The following UBE2M variants were observed in gnomAD, a reference collection of about 807,000 sequenced individuals.
UBE2M encodes the protein ubiquitin conjugating enzyme E2 M.
In UBE2M, 2 loss-of-function variants were observed where a neutral mutation model predicts 23.5. That is an observed-to-expected ratio of 0.09 (90% CI 0.03 to 0.27). The LOEUF (loss-of-function observed/expected upper bound fraction) is 0.27. Among genes scored for constraint, UBE2M ranks in the 10% least tolerant of loss-of-function variants. The pLI, the probability that UBE2M is intolerant of heterozygous loss-of-function variation, is 1.00. For synonymous variants in UBE2M, 97 were observed against 95.2 expected, an observed-to-expected ratio of 1.02 and a Z score of -0.11; for missense variants, 103 against 232.9, an observed-to-expected ratio of 0.44 and a Z score of 3.63.
chr19:58,557,965 A>G (rs2053903459), intron 1 of UBE2M, among the ~76,000 whole-genome samples: 1 of 151,846 alleles, frequency 6.6e-6, no homozygotes, highest in East Asian at 1.9e-4. Context: ...GTTCCCGTCT[A>G]ACCCCCAGAC....
At position 58,555,820 on chromosome 19, in the gene UBE2M, G is replaced by C. The variant is rs955754613; in HGVS notation, c.*269C>G. ...TTGCCCACCCACTCCACAGCCCAGA[G>C]TGGGGGCTGAACAAGCACCCAGCAG... On this transcript the variant is annotated 3_prime_UTR_variant, in exon 6 of 6. Transcript: ENST00000253023. 4.9e-5 allele frequency: 25 copies of C among 515,230 alleles called. No homozygotes were observed. The highest frequency in any genetic ancestry group is 8.1e-5 in the Non-Finnish European group (23 of 284,608). The allele number at this position is 515,230 out of a possible 1,614,324, so 31.9% of individuals were successfully genotyped here. A position where few individuals can be genotyped will look rare whatever the true frequency, so the allele number is the denominator to read the frequency against.
At position 58,555,847 on chromosome 19, in the gene UBE2M, G is replaced by C; in HGVS notation, c.*242C>G. The C allele has an allele frequency of 1.8e-6, 1 of 566,332 alleles. No individual in the cohort carries two copies. 35.1% of individuals were successfully genotyped at this position (566,332 alleles called of 1,614,324 possible). ...GGGGGCTGAACAAGCACCCAGCAGG[G>C]GGGCTAGACAAGCCAATTCATTTCC... is the stretch of plus-strand genomic sequence containing the variant. On this transcript the variant is annotated 3_prime_UTR_variant, in exon 6 of 6. Coordinates refer to ENST00000253023, the MANE Select transcript of UBE2M (RefSeq NM_003969.4).
chr19:58,556,913 C>G lies in UBE2M; in HGVS notation c.222G>C (p.Gly74=), dbSNP rs746315345. Residue 74 remains glycine (G), a synonymous_variant, in exon 3 of 6, where the codon GGG becomes GGC. Coordinates refer to ENST00000253023, the MANE Select transcript of UBE2M (RefSeq NM_003969.4). This position sits in a 1 kb window ranked among gnomAD's most constrained non-coding sequence, Gnocchi z 4.9. ...TCACCTTAAAACTGAACACAAACTT[C>G]CCACTCTTGTAGAAGCCCTGGGAGG... The part of the protein sequence containing the change: ...ICPDEGFYKS[G]KFVFSFKVGQ... 2 of 1,614,080 alleles carry G rather than the reference C, an allele frequency of 1.2e-6. No individual in the cohort carries two copies. Among genetic ancestry groups the G allele is most frequent in the South Asian group, 1.1e-5 (1 of 91,084 alleles).
In UBE2M at chr19:58,558,166, A is replaced by C. The variant is rs184207233; in HGVS notation, c.109+107T>G. 4.9e-6 allele frequency: 4 copies of C among 821,746 alleles called. No homozygotes were observed. The highest frequency in any genetic ancestry group is 5.2e-6 in the Non-Finnish European group (3 of 571,498). 50.9% of individuals were successfully genotyped at this position (821,746 alleles called of 1,614,324 possible). A position where few individuals can be genotyped will look rare whatever the true frequency, so the allele number is the denominator to read the frequency against. ...ACCCCCCCCACGCTCGGGGCCCTTCACCTCTGACCCTCAGCAACCGCATTA... is the reference window on the plus strand; with the variant it reads ...ACCCCCCCCACGCTCGGGGCCCTTCCCCTCTGACCCTCAGCAACCGCATTA... On this transcript the variant is annotated intron_variant, in intron 1 of 5. Coordinates refer to ENST00000253023, the MANE Select transcript of UBE2M (RefSeq NM_003969.4). This position sits in a 1 kb window ranked among gnomAD's most constrained non-coding sequence, Gnocchi z 4.7.
Position 58,558,026 on chromosome 19 carries a change from T to A in UBE2M, c.109+247A>T, listed in dbSNP as rs1387366251. On this transcript the variant is annotated intron_variant, in intron 1 of 5. Transcript: ENST00000253023. This position sits in a 1 kb window ranked among gnomAD's most constrained non-coding sequence, Gnocchi z 4.7. ...CACTGCCTGACTCTGAGATTCCGAG[T>A]CCCTAGTAGCAGACACCAGGCCTTC... 2.6e-5 allele frequency among the ~76,000 whole-genome samples: 4 copies of A among 151,592 alleles called. No homozygotes were observed. Among genetic ancestry groups the A allele is most frequent in the Non-Finnish European group, 5.9e-5 (4 of 67,928 alleles).
chr19:58,557,035 C>T (rs1286703825), intron 2 of UBE2M, 28 bp downstream of exon 2: 2 of 1,613,864 alleles, frequency 1.2e-6, no homozygotes, highest in African/African-American at 2.7e-5. Flanking sequence ...TGGTTTGCTC[C>T]TGGGAATTCA....
Position 58,558,552 on chromosome 19 carries a change from C to G in UBE2M, c.-171G>C, listed in dbSNP as rs1266235502. ...GCCGCTCCGCTCCTCTCCGCGCCCA[C>G]CGCGCGGCCCGCCTCGGCTCCCGTA... On this transcript the variant is annotated 5_prime_UTR_variant, in exon 1 of 6. Transcript: ENST00000253023. This position sits in a 1 kb window ranked among gnomAD's most constrained non-coding sequence, Gnocchi z 4.7. 1.1e-5 allele frequency: 2 copies of G among 179,194 alleles called. No individual in the cohort carries two copies. The highest frequency in any genetic ancestry group is 6.6e-5 in the Admixed American group (1 of 15,228). 11.1% of individuals were successfully genotyped at this position (179,194 alleles called of 1,614,324 possible).
chr19:58,556,974 GTGGGGCCCGA>G lies in UBE2M; in HGVS notation c.205-54_205-45del. ...GAAGAAAATTTTAGGGTTCCATCCTGTGGGGCCCGATGGGCAGAACATGTCTCCCTCCTCT... is the reference window on the plus strand; with the variant it reads ...GAAGAAAATTTTAGGGTTCCATCCTGTGGGCAGAACATGTCTCCCTCCTCT... On this transcript the variant is annotated intron_variant, in intron 2 of 5. Coordinates refer to ENST00000253023, the MANE Select transcript of UBE2M (RefSeq NM_003969.4). The surrounding 1 kb of genome is among the most constrained non-coding windows in gnomAD (Gnocchi z 4.9). The G allele has an allele frequency of 6.2e-7, 1 of 1,613,962 alleles. No individual in the cohort carries two copies. Among genetic ancestry groups the G allele is most frequent in the Non-Finnish European group, 8.5e-7 (1 of 1,179,880 alleles).
In UBE2M at chr19:58,558,197, T is replaced by A; in HGVS notation, c.109+76A>T. On this transcript the variant is annotated intron_variant, in intron 1 of 5. Transcript: ENST00000253023. This position sits in a 1 kb window ranked among gnomAD's most constrained non-coding sequence, Gnocchi z 4.7. ...GACCCTCAGCAACCGCATTACCCCT[T>A]CCTGACTCCCACATCACCCTGCCTC... 7.8e-7 allele frequency: 1 copy of A among 1,290,058 alleles called. No individual in the cohort carries two copies. Among genetic ancestry groups the A allele is most frequent in the African/African-American group, 1.6e-5 (1 of 64,180 alleles). The allele number at this position is 1,290,058 out of a possible 1,614,324, so 79.9% of individuals were successfully genotyped here.
At position 58,558,141 on chromosome 19, in the gene UBE2M, A is replaced by ACC; in HGVS notation, c.109+130_109+131dup. On this transcript the variant is annotated intron_variant, in intron 1 of 5. Coordinates refer to ENST00000253023, the MANE Select transcript of UBE2M (RefSeq NM_003969.4). The surrounding 1 kb of genome is among the most constrained non-coding windows in gnomAD (Gnocchi z 4.7). Reference sequence around the variant, plus strand: ...CCCAACCCTCAAGACTTGACCTCCGACCCCCCCCACGCTCGGGGCCCTTCA... The same window carrying ACC: ...CCCAACCCTCAAGACTTGACCTCCGACCCCCCCCCCACGCTCGGGGCCCTTCA... 1.9e-6 allele frequency: 1 copy of ACC among 525,516 alleles called. No individual in the cohort carries two copies. 32.6% of individuals were successfully genotyped at this position (525,516 alleles called of 1,614,324 possible).
chr19:58,558,440 C>T lies in UBE2M; in HGVS notation c.-59G>A, dbSNP rs1416263889. ...GGGCCCGGGACCCCGGCCACCCGGCCCCCCGCCGCCGCCCGCGTCGCCTCC... is the reference window on the plus strand; with the variant it reads ...GGGCCCGGGACCCCGGCCACCCGGCTCCCCGCCGCCGCCCGCGTCGCCTCC... On this transcript the variant is annotated 5_prime_UTR_variant, in exon 1 of 6. Coordinates refer to ENST00000253023, the MANE Select transcript of UBE2M (RefSeq NM_003969.4). The surrounding 1 kb of genome is among the most constrained non-coding windows in gnomAD (Gnocchi z 4.7). 1.7e-5 allele frequency: 16 copies of T among 926,990 alleles called. No individual in the cohort carries two copies. Among genetic ancestry groups the T allele is most frequent in the Non-Finnish European group, 1.9e-5 (15 of 777,268 alleles). 57.4% of individuals were successfully genotyped at this position (926,990 alleles called of 1,614,324 possible).
Position 58,558,370 on chromosome 19 carries a change from C to T in UBE2M, c.12G>A (p.Leu4=). The T allele has an allele frequency of 1.3e-6, 2 of 1,499,160 alleles. No homozygotes were observed. Among genetic ancestry groups the T allele is most frequent in the Non-Finnish European group, 1.8e-6 (2 of 1,120,866 alleles). 92.9% of individuals were successfully genotyped at this position (1,499,160 alleles called of 1,614,324 possible). ...CCTTCTTCTGCTGCTTCAGCGAGAA[C>T]AGCTTGATCATCCTGCCGCCGCCGC... MIK[L]FSLKQQKKEE... Residue 4 remains leucine (L), a synonymous_variant, in exon 1 of 6, where the codon CTG becomes CTA. Coordinates refer to ENST00000253023, the MANE Select transcript of UBE2M (RefSeq NM_003969.4). The surrounding 1 kb of genome is among the most constrained non-coding windows in gnomAD (Gnocchi z 4.7).
chr19:58,558,191 A>G lies in UBE2M; in HGVS notation c.109+82T>C. ...ACCTCTGACCCTCAGCAACCGCATT[A>G]CCCCTTCCTGACTCCCACATCACCC... On this transcript the variant is annotated intron_variant, in intron 1 of 5. Transcript: ENST00000253023. The surrounding 1 kb of genome is among the most constrained non-coding windows in gnomAD (Gnocchi z 4.7). 1 of 1,173,044 alleles carries G rather than the reference A, an allele frequency of 8.5e-7. No individual in the cohort carries two copies. The highest frequency in any genetic ancestry group is 1.2e-6 in the Non-Finnish European group (1 of 844,584). 72.7% of individuals were successfully genotyped at this position (1,173,044 alleles called of 1,614,324 possible). A position where few individuals can be genotyped will look rare whatever the true frequency, so the allele number is the denominator to read the frequency against.
At chr19:58,557,010 C>G in intron 2 of UBE2M, 53 bp downstream of exon 2, 1 of 1,613,122 alleles carries the variant, frequency 6.2e-7, no homozygotes, top group Non-Finnish European at 8.5e-7. Context: ...TCCCTCCTCT[C>G]AGTGGGGACA....
Position 58,556,240 on chromosome 19 carries a change from T to C in UBE2M, c.412-11A>G. 1 of 1,613,940 alleles carries C rather than the reference T, an allele frequency of 6.2e-7. No individual in the cohort carries two copies. The highest frequency in any genetic ancestry group is 8.5e-7 in the Non-Finnish European group (1 of 1,179,860). On this transcript the variant is annotated splice_polypyrimidine_tract_variant and intron_variant, in intron 5 of 5. Transcript: ENST00000253023. This position sits in a 1 kb window ranked among gnomAD's most constrained non-coding sequence, Gnocchi z 4.9. ...CTCGGGGTTGGGCTCCTGTGGCCAG[T>C]ACAGGTAGGGGGGGTCAACAGGCCA...
In UBE2M at chr19:58,555,971, G is replaced by A. The variant is rs1235209615; in HGVS notation, c.*118C>T. The A allele has an allele frequency of 7.1e-7, 1 of 1,413,530 alleles. No homozygotes were observed. Among genetic ancestry groups the A allele is most frequent in the Non-Finnish European group, 9.4e-7 (1 of 1,059,836 alleles). The allele number at this position is 1,413,530 out of a possible 1,614,324, so 87.6% of individuals were successfully genotyped here. A position where few individuals can be genotyped will look rare whatever the true frequency, so the allele number is the denominator to read the frequency against. ...GCACGTGGCAGGAAGGGGAGGCAAG[G>A]CCAAGGCAGGGGATTCCCCCACCGG... On this transcript the variant is annotated 3_prime_UTR_variant, in exon 6 of 6. Coordinates refer to ENST00000253023, the MANE Select transcript of UBE2M (RefSeq NM_003969.4).
chr19:58,558,237 G>T lies in UBE2M; in HGVS notation c.109+36C>A. On this transcript the variant is annotated intron_variant, in intron 1 of 5. Transcript: ENST00000253023. The surrounding 1 kb of genome is among the most constrained non-coding windows in gnomAD (Gnocchi z 4.7). ...CACCCTGCCTCAGGCCCTGACCTCC[G>T]ACCTCCGGCTCCAACCCCATCCCCT... The T allele has an allele frequency of 6.4e-7, 1 of 1,573,726 alleles. No individual in the cohort carries two copies.
chr19:58,555,844 A>C lies in UBE2M; in HGVS notation c.*245T>G. ...AGTGGGGGCTGAACAAGCACCCAGC[A>C]GGGGGGCTAGACAAGCCAATTCATT... On this transcript the variant is annotated 3_prime_UTR_variant, in exon 6 of 6. Coordinates refer to ENST00000253023, the MANE Select transcript of UBE2M (RefSeq NM_003969.4). 1.8e-6 allele frequency: 1 copy of C among 556,768 alleles called. No individual in the cohort carries two copies. The highest frequency in any genetic ancestry group is 3.2e-6 in the Non-Finnish European group (1 of 313,562). 34.5% of individuals were successfully genotyped at this position (556,768 alleles called of 1,614,324 possible).
chr19:58,556,933 G>A lies in UBE2M; in HGVS notation c.205-3C>T, dbSNP rs2053895125. ...AACTTCCCACTCTTGTAGAAGCCCT[G>A]GGAGGAAAAGGGGGAGAAGAAAATT... is the stretch of plus-strand genomic sequence containing the variant. On this transcript the variant is annotated splice_polypyrimidine_tract_variant and splice_region_variant and intron_variant, in intron 2 of 5. Transcript: ENST00000253023. This position sits in a 1 kb window ranked among gnomAD's most constrained non-coding sequence, Gnocchi z 4.9. The A allele has an allele frequency of 3.1e-6, 5 of 1,614,036 alleles. No homozygotes were observed. Among genetic ancestry groups the A allele is most frequent in the African/African-American group, 1.3e-5 (1 of 74,992 alleles).
Sources: allele counts gnomAD v4.1 joint callset (sites outside exome capture counted in the v4.1 genomes callset), GRCh38; gene constraint gnomAD v4.1.1; non-coding constraint Gnocchi (gnomAD v3.1); transcripts MANE v1.5; gene names NCBI Gene and HGNC (gene_info 2026-07-23, HGNC 2026-07-21).